KIAA1328: variants seen among roughly 807,000 people sequenced by gnomAD.
The protein encoded by KIAA1328 is KIAA1328.
A neutral mutation model predicts 68.1 loss-of-function variants in KIAA1328; 52 were observed. The ratio of observed to expected loss-of-function variants is 0.76; its 90% CI spans 0.61 to 0.96. The LOEUF (loss-of-function observed/expected upper bound fraction) is 0.96. Among genes scored for constraint, KIAA1328 ranks in the 40% least tolerant of loss-of-function variants. The probability of loss-of-function intolerance (pLI) is 0.00; values close to 1 mark genes in which losing one functional copy is unlikely to be tolerated. For missense variants in KIAA1328, 641 were observed against 677.6 expected (o/e 0.95, Z 0.60); for synonymous variants, 232 against 239.4 (o/e 0.97, Z 0.28).
intron 8 of KIAA1328, among the ~76,000 whole-genome samples, chr18:37,171,529 T>C (rs990806004): frequency 1.3e-5 from 2 of 152,208 alleles, no homozygotes; most frequent in Non-Finnish European, 2.9e-5. Context: ...CTTTATGTGA[T>C]AGTCAAGAGT....
Position 37,222,725 on chromosome 18 carries a change from T to C in KIAA1328, c.*498T>C, listed in dbSNP as rs906794387. ...TACTACATTTCTGTAAGTGGTCCTT[T>C]AATTCTGAAGTTGGAGTTGGTGCCC... On this transcript the variant is annotated 3_prime_UTR_variant, in exon 10 of 10. Coordinates refer to ENST00000280020, the MANE Select transcript of KIAA1328 (RefSeq NM_020776.3). 3.9e-5 allele frequency: 39 copies of C among 993,510 alleles called. No homozygotes were observed. In the African/African-American group the frequency reaches 6.8e-4, roughly 17 times the overall value. 61.5% of individuals were successfully genotyped at this position (993,510 alleles called of 1,614,324 possible). A position where few individuals can be genotyped will look rare whatever the true frequency, so the allele number is the denominator to read the frequency against.
At chr18:37,134,321 C>T (rs773640290) in intron 7 of KIAA1328, among the ~76,000 whole-genome samples, 7 of 152,024 alleles carry the variant, frequency 4.6e-5, no homozygotes, top group Non-Finnish European at 7.4e-5. Flanking sequence ...ACATTCTTAA[C>T]TGTTATTGAG....
chr18:36,882,691 A>AC (rs34720271), intron 4 of KIAA1328, among the ~76,000 whole-genome samples: 4 of 152,200 alleles, frequency 2.6e-5, no homozygotes, highest in African/African-American at 9.6e-5. Context: ...TTTCAAACAT[A>AC]CCCCAGAAAC....
At chr18:37,077,155 C>A (rs542736187) in intron 7 of KIAA1328, among the ~76,000 whole-genome samples, 65 of 149,378 alleles carry the variant, frequency 4.4e-4, no homozygotes, top group Non-Finnish European at 6.8e-4. Context: ...TGGGCTTCAT[C>A]CCTGGGATGC....
chr18:36,962,013 G>A (rs1334991550), intron 6 of KIAA1328, among the ~76,000 whole-genome samples: 1 of 152,174 alleles, frequency 6.6e-6, no homozygotes, highest in Admixed American at 6.5e-5. Context: ...AAAAGACACA[G>A]ACTGGCAAAT....
At chr18:36,890,237 TTTA>T in intron 5 of KIAA1328, among the ~76,000 whole-genome samples, 1 of 151,260 alleles carries the variant, frequency 6.6e-6, no homozygotes, top group African/African-American at 2.4e-5. Context: ...TTTTTTTTTT[TTTA>T]AAAAAAAAGC....
chr18:37,062,495 G>A (rs1392598582), intron 6 of KIAA1328, among the ~76,000 whole-genome samples: 1 of 149,938 alleles, frequency 6.7e-6, no homozygotes, highest in African/African-American at 2.5e-5. Context: ...CTCTAGAGTC[G>A]CCCAGGCTGG....
rs149025581 is a variant in KIAA1328 at position 36,835,621 on chromosome 18, A to G, written c.237+245A>G. ...AGCCATGATAATGTATTATCTTGAT[A>G]TGTCTCAAAAGAACTACATTCTGAT... On this transcript the variant is annotated intron_variant, in intron 3 of 9. Transcript: ENST00000280020. 3.1e-3 allele frequency among the ~76,000 whole-genome samples: 476 copies of G among 152,298 alleles called. 2 individuals are homozygous for G. Among genetic ancestry groups the G allele is most frequent in the Middle Eastern group, 0.017 (5 of 294 alleles).
At chr18:37,052,821 A>G in intron 6 of KIAA1328, among the ~76,000 whole-genome samples, 1 of 152,210 alleles carries the variant, frequency 6.6e-6, no homozygotes, top group Admixed American at 6.5e-5. Context: ...GAACTAAAAA[A>G]CAATGCTGAA....
At chr18:36,996,392 G>A (rs1410664888) in intron 6 of KIAA1328, among the ~76,000 whole-genome samples, 3 of 152,142 alleles carry the variant, frequency 2.0e-5, no homozygotes, top group Non-Finnish European at 4.4e-5. Flanking sequence ...GCTGTAATGA[G>A]TAGAGCCACG....
At chr18:37,007,627 C>T (rs2053829306) in intron 6 of KIAA1328, among the ~76,000 whole-genome samples, 2 of 151,956 alleles carry the variant, frequency 1.3e-5, no homozygotes, top group South Asian at 4.2e-4. Context: ...AGAAGAGGAG[C>T]CAATCTGATG....
chr18:37,175,477 T>A (rs1451565689), intron 9 of KIAA1328, among the ~76,000 whole-genome samples: 3 of 152,168 alleles, frequency 2.0e-5, no homozygotes, highest in Non-Finnish European at 2.9e-5. Context: ...ATATAGATTC[T>A]CAGAAGCTTC....
chr18:37,060,495 C>G (rs1335774364), intron 6 of KIAA1328, among the ~76,000 whole-genome samples: 1 of 152,116 alleles, frequency 6.6e-6, no homozygotes, highest in Non-Finnish European at 1.5e-5. Flanking sequence ...CTTATACTAC[C>G]AAGTGTTCAC....
At chr18:36,893,911 T>G (rs1281572879) in intron 5 of KIAA1328, among the ~76,000 whole-genome samples, 1 of 152,170 alleles carries the variant, frequency 6.6e-6, no homozygotes, top group African/African-American at 2.4e-5. Context: ...AGTGTTAAAT[T>G]GTTTTTATCC....
intron 7 of KIAA1328, among the ~76,000 whole-genome samples, chr18:37,071,495 C>T (rs1428852428): frequency 6.6e-6 from 1 of 152,030 alleles, no homozygotes; most frequent in Non-Finnish European, 1.5e-5. Flanking sequence ...AACAATAAAA[C>T]TATTACAAAT....
At chr18:36,933,550 G>A (rs754866428) in intron 5 of KIAA1328, among the ~76,000 whole-genome samples, 46 of 152,334 alleles carry the variant, frequency 3.0e-4, no homozygotes, top group Non-Finnish European at 2.1e-4. Context: ...ACAGTGTTTT[G>A]AAAGTAACTG....
chr18:36,936,355 T>A (rs1305223259), intron 5 of KIAA1328, among the ~76,000 whole-genome samples: 1 of 152,136 alleles, frequency 6.6e-6, no homozygotes, highest in Non-Finnish European at 1.5e-5. Flanking sequence ...AACTCCCACT[T>A]ATGAGTGAGA....
intron 4 of KIAA1328, among the ~76,000 whole-genome samples, chr18:36,882,663 A>G (rs186594294): frequency 1.5e-3 from 235 of 152,358 alleles, no homozygotes; most frequent in Non-Finnish European, 2.7e-3. Flanking sequence ...GCCCTGCTTA[A>G]TAATGTAGCA....
intron 6 of KIAA1328, among the ~76,000 whole-genome samples, chr18:36,989,170 A>G (rs1015570080): frequency 6.6e-6 from 1 of 152,142 alleles, no homozygotes; most frequent in Non-Finnish European, 1.5e-5. Context: ...AGATTATCAC[A>G]CTTGTTTTTC....
Sources: allele counts gnomAD v4.1 joint callset (sites outside exome capture counted in the v4.1 genomes callset), GRCh38; gene constraint gnomAD v4.1.1; transcripts MANE v1.5; gene names NCBI Gene and HGNC (gene_info 2026-07-23, HGNC 2026-07-21).